Variants in MGAT5 observed in about 807,000 individuals in gnomAD.
MGAT5 encodes the protein alpha-1,6-mannosylglycoprotein 6-beta-N-acetylglucosaminyltransferase A.
In MGAT5, 30 loss-of-function variants were observed where a neutral mutation model predicts 94.3. That is an observed-to-expected ratio of 0.32 (90% CI 0.24 to 0.43). The LOEUF (loss-of-function observed/expected upper bound fraction) is 0.43. MGAT5 is among the 20% of genes least tolerant of loss of function. The pLI is 1.00. For missense variants in MGAT5, 691 were observed against 905.5 expected, an observed-to-expected ratio of 0.76 and a Z score of 3.04; for synonymous variants, 310 against 322.9, an observed-to-expected ratio of 0.96 and a Z score of 0.43.
chr2:134,310,513 AC>A (rs1007738154), intron 2 of MGAT5, among the ~76,000 whole-genome samples: 3 of 152,218 alleles, frequency 2.0e-5, no homozygotes, highest in African/African-American at 7.2e-5. Flanking sequence ...AGATTAAAAA[AC>A]AAAACAAAAA....
chr2:134,341,313 C>T (rs560350233), intron 6 of MGAT5, among the ~76,000 whole-genome samples: 49 of 152,210 alleles, frequency 3.2e-4, no homozygotes, highest in African/African-American at 1.1e-3. Context: ...CCTTTAATCC[C>T]GATTTTACAA....
At chr2:134,199,237 GCCTCTCCTACT>G in intron 1 of MGAT5, among the ~76,000 whole-genome samples, 1 of 152,144 alleles carries the variant, frequency 6.6e-6, no homozygotes, top group South Asian at 2.1e-4. Context: ...GCACATCTTT[GCCTCTCCTACT>G]CCTCTGATAA....
chr2:134,145,026 T>G (rs1196341286), intron 1 of MGAT5, among the ~76,000 whole-genome samples: 1 of 152,240 alleles, frequency 6.6e-6, no homozygotes, highest in Non-Finnish European at 1.5e-5. Context: ...TGAATACTTG[T>G]GGAACTTGAA....
intron 9 of MGAT5, among the ~76,000 whole-genome samples, chr2:134,358,845 T>G (rs1181389600): frequency 6.6e-6 from 1 of 152,244 alleles, no homozygotes; most frequent in Admixed American, 6.5e-5. Flanking sequence ...ATCTTTATAT[T>G]GTAGTTTGTC....
intron 11 of MGAT5, among the ~76,000 whole-genome samples, chr2:134,411,200 T>A (rs1168155634): frequency 1.3e-5 from 2 of 152,222 alleles, no homozygotes; most frequent in African/African-American, 4.8e-5. Flanking sequence ...CTCGTTTCTG[T>A]TAGCTGTATA....
chr2:134,284,392 G>A (rs1468060449), intron 2 of MGAT5, among the ~76,000 whole-genome samples: 1 of 152,162 alleles, frequency 6.6e-6, no homozygotes, highest in Non-Finnish European at 1.5e-5. Context: ...TCATGCTACA[G>A]CTGCAGAATT....
chr2:134,441,635 C>T (rs1685490920), intron 14 of MGAT5, 123 bp from the exon 15 acceptor site: 3 of 1,218,466 alleles, frequency 2.5e-6, no homozygotes, highest in Middle Eastern at 2.2e-4. Flanking sequence ...CATGTGGCTC[C>T]CAACTCTTCC....
intron 14 of MGAT5, among the ~76,000 whole-genome samples, 176 bp from the exon 15 acceptor site, chr2:134,441,582 T>G (rs993422585): frequency 6.6e-6 from 1 of 152,220 alleles, no homozygotes; most frequent in Non-Finnish European, 1.5e-5. Context: ...GGTCAAGACC[T>G]GGGCTGAAGG....
chr2:134,176,670 T>A (rs190524562), intron 1 of MGAT5, among the ~76,000 whole-genome samples: 312 of 151,256 alleles, frequency 2.1e-3, no homozygotes, highest in African/African-American at 7.3e-3. Context: ...TACAAGCCCC[T>A]AATTTTATTA....
At chr2:134,407,857 T>C (rs1683430118) in intron 11 of MGAT5, among the ~76,000 whole-genome samples, 1 of 152,074 alleles carries the variant, frequency 6.6e-6, no homozygotes, top group Non-Finnish European at 1.5e-5. Flanking sequence ...GTGAAATCAA[T>C]GTAGTGAATT....
Position 134,341,608 on chromosome 2 carries a change from C to T in MGAT5, c.826C>T (p.Leu276Phe). The T allele has an allele frequency of 2.5e-6, 4 of 1,613,114 alleles. No homozygotes were observed. Among genetic ancestry groups the T allele is most frequent in the Non-Finnish European group, 3.4e-6 (4 of 1,179,522 alleles). ...KRKKVLVHLG[L>F]LTKESGFKIA... ...TTTCCAGGTCCTCGTTCACCTGGGA[C>T]TCCTGACCAAGGAATCTGGATTTAA... is the stretch of plus-strand genomic sequence containing the variant. The change falls in exon 7 of 16, where the codon CTC becomes TTC. Residue 276 changes from leucine to phenylalanine, a missense_variant. This residue lies in a region of MGAT5 where 121 missense variants were observed against 206.1 expected (regional missense o/e 0.59). Coordinates refer to ENST00000281923, the MANE Select transcript of MGAT5 (RefSeq NM_002410.5).
At chr2:134,290,369 A>G (rs1685272182) in intron 2 of MGAT5, among the ~76,000 whole-genome samples, 1 of 152,202 alleles carries the variant, frequency 6.6e-6, no homozygotes, top group Non-Finnish European at 1.5e-5. Flanking sequence ...ATTAAAGTAG[A>G]TTATAGGTTG....
intron 1 of MGAT5, among the ~76,000 whole-genome samples, chr2:134,258,535 T>C (rs925299252): frequency 6.6e-6 from 1 of 152,246 alleles, no homozygotes; most frequent in African/African-American, 2.4e-5. Flanking sequence ...AGCCTAAATA[T>C]TTACTGTCTG....
chr2:134,237,365 G>T (rs549893470), intron 1 of MGAT5, among the ~76,000 whole-genome samples: 31 of 152,300 alleles, frequency 2.0e-4, no homozygotes, highest in Non-Finnish European at 4.3e-4. Context: ...CTGGGGGAAG[G>T]ATATAAGTAA....
intron 10 of MGAT5, among the ~76,000 whole-genome samples, chr2:134,396,239 T>G (rs1682699134): frequency 1.3e-5 from 2 of 152,232 alleles, no homozygotes; most frequent in South Asian, 2.1e-4. Flanking sequence ...GGGTGGTTAC[T>G]TGAGATAAAT....
At chr2:134,189,624 A>T (rs1376301956) in intron 1 of MGAT5, among the ~76,000 whole-genome samples, 6 of 17,314 alleles carry the variant, frequency 3.5e-4, no homozygotes, top group African/African-American at 2.0e-3. Flanking sequence ...TTTTTTTAAG[A>T]CAGAGTCTCG....
intron 4 of MGAT5, among the ~76,000 whole-genome samples, chr2:134,334,407 G>A (rs1423440914): frequency 6.7e-6 from 1 of 149,354 alleles, no homozygotes; most frequent in Non-Finnish European, 1.5e-5. Context: ...TGCTATTCCT[G>A]GGAAAACTTC....
At chr2:134,208,288 A>G (rs1680117980) in intron 1 of MGAT5, among the ~76,000 whole-genome samples, 1 of 152,188 alleles carries the variant, frequency 6.6e-6, no homozygotes, top group Admixed American at 6.5e-5. Flanking sequence ...GTCTCATTCT[A>G]ATTGACAGCA....
chr2:134,439,018 C>T (rs927515437), intron 14 of MGAT5, among the ~76,000 whole-genome samples: 2 of 152,196 alleles, frequency 1.3e-5, no homozygotes, highest in Non-Finnish European at 2.9e-5. Flanking sequence ...GTCAAATCCC[C>T]TCATCATAGG....
Sources: allele counts gnomAD v4.1 joint callset (sites outside exome capture counted in the v4.1 genomes callset), GRCh38; gene constraint gnomAD v4.1.1; regional missense constraint gnomAD v4.1.1; transcripts MANE v1.5; gene names NCBI Gene and HGNC (gene_info 2026-07-23, HGNC 2026-07-21).